ESYT1: variants seen among roughly 807,000 people sequenced by gnomAD.
The protein encoded by ESYT1 is extended synaptotagmin-1.
ESYT1 carries 116 observed loss-of-function variants against 154.2 expected under a neutral mutation model. The observed-to-expected ratio is 0.75, with a 90% CI of 0.65 to 0.88. The LOEUF (loss-of-function observed/expected upper bound fraction) is 0.88, where lower values mean the gene tolerates loss of function less well. Among genes scored for constraint, ESYT1 ranks in the 40% least tolerant of loss-of-function variants. The pLI is 0.00. For synonymous variants in ESYT1, 500 were observed against 539.9 expected (o/e 0.93, Z 1.02); for missense variants, 1,264 against 1,379.3 (o/e 0.92, Z 1.32).
rs372827802 is a variant in ESYT1 at position 56,128,404 on chromosome 12, G to T, written c.85G>T (p.Ala29Ser). The T allele has an allele frequency of 1.2e-6, 2 of 1,611,512 alleles. No homozygotes were observed. The highest frequency in any genetic ancestry group is 1.3e-5 in the African/African-American group (1 of 74,922). ...CTCCGACCCCACTGACCAGCCCCCC[G>T]CTGCTCACGCAAAGCCAGACCCAGG... is the stretch of plus-strand genomic sequence containing the variant. ...APSDPTDQPP[A>S]AHAKPDPGSG... is the part of the protein sequence containing the mutation. Residue 29 changes from alanine (A) to serine (S), a missense_variant, in exon 1 of 31, where the codon GCT becomes TCT. Coordinates refer to ENST00000394048, the MANE Select transcript of ESYT1 (RefSeq NM_015292.3).
chr12:56,138,948 C>T lies in ESYT1; in HGVS notation c.2527C>T (p.Pro843Ser), dbSNP rs553498889. The T allele has an allele frequency of 1.2e-6, 2 of 1,614,118 alleles. No individual in the cohort carries two copies. Among genetic ancestry groups the T allele is most frequent in the African/African-American group, 1.3e-5 (1 of 75,034 alleles). ...KTKTISQTSA[P>S]VWDESASFLI... ...CCAGACTATTTCGCAAACTTCAGCCCCTGTCTGGGATGAGAGTGCCTCCTT... is the reference window on the plus strand; with the variant it reads ...CCAGACTATTTCGCAAACTTCAGCCTCTGTCTGGGATGAGAGTGCCTCCTT... Residue 843 changes from proline to serine, a missense_variant, in exon 24 of 31, where the codon CCT becomes TCT. Physicochemically the swap from Pro to Ser is moderately conservative, Grantham distance 74. Coordinates refer to ENST00000394048, the MANE Select transcript of ESYT1 (RefSeq NM_015292.3).
intron 15 of ESYT1, among the ~76,000 whole-genome samples, chr12:56,136,144 G>A (rs1021941672): frequency 2.0e-5 from 3 of 151,748 alleles, no homozygotes; most frequent in African/African-American, 7.3e-5. Context: ...CATAGTATAG[G>A]ACTAAGGAGG....
Position 56,128,384 on chromosome 12 carries a change from A to T in ESYT1, c.65A>T (p.Asp22Val). ...ATGGACCAGCCCTCTGCTCCCTCCGACCCCACTGACCAGCCCCCCGCTGCT... is the reference window on the plus strand; with the variant it reads ...ATGGACCAGCCCTCTGCTCCCTCCGTCCCCACTGACCAGCCCCCCGCTGCT... ...SPMDQPSAPSDPTDQPPAAHA... is the reference protein window; with the variant it reads ...SPMDQPSAPSVPTDQPPAAHA... Residue 22 changes from aspartate to valine, a missense_variant, in exon 1 of 31, where the codon GAC (aspartate) becomes GTC (valine). By Grantham distance (152) the Asp-to-Val change is radical. Transcript: ENST00000394048. 1 of 1,611,842 alleles carries T rather than the reference A, an allele frequency of 6.2e-7. No individual in the cohort carries two copies. Among genetic ancestry groups the T allele is most frequent in the Non-Finnish European group, 8.5e-7 (1 of 1,179,048 alleles).
Position 56,142,314 on chromosome 12 carries a change from C to G in ESYT1, c.2622C>G (p.Gly874=). Residue 874 remains glycine (G), a synonymous_variant, in exon 25 of 31, where the codon GGC becomes GGG. Transcript: ENST00000394048. This position sits in a 1 kb window ranked among gnomAD's most constrained non-coding sequence, Gnocchi z 4.1. The part of the protein sequence containing the change: ...QVRGEGTGVL[G]SLSLPLSELL... ...GGGGTGAGGGCACTGGCGTGCTGGG[C>G]TCATTATCCCTGCCCCTCTCAGAGC... 1 of 1,614,148 alleles carries G rather than the reference C, an allele frequency of 6.2e-7. No homozygotes were observed. The highest frequency in any genetic ancestry group is 8.5e-7 in the Non-Finnish European group (1 of 1,180,026).
At position 56,144,522 on chromosome 12, in the gene ESYT1, A is replaced by T. The variant is rs114006098; in HGVS notation, c.*660A>T. ...GGAGCTCCTAGCTGGTGATACGGAG[A>T]GGGCTTTGGAGGACTTGGGACAGCA... On this transcript the variant is annotated 3_prime_UTR_variant, in exon 31 of 31. Transcript: ENST00000394048. 3.6e-4 allele frequency: 350 copies of T among 985,656 alleles called. 2 individuals carry two copies. The African/African-American group carries it at 5.7e-3, about 16-fold the overall frequency. 61.1% of individuals were successfully genotyped at this position (985,656 alleles called of 1,614,324 possible).
chr12:56,140,510 C>G (rs1437206735), intron 24 of ESYT1, among the ~76,000 whole-genome samples: 2 of 152,022 alleles, frequency 1.3e-5, no homozygotes, highest in African/African-American at 4.8e-5. Context: ...ATTATAGGTG[C>G]CCGCCACCAC....
chr12:56,131,854 G>A lies in ESYT1; in HGVS notation c.860+50G>A, dbSNP rs756543129. On this transcript the variant is annotated intron_variant, in intron 7 of 30. Transcript: ENST00000394048. ...GCTGAGTGTTCCAGCGCTGGGTTGGGGGTTTAAGGGACACAGAGCAGTCAA... is the reference window on the plus strand; with the variant it reads ...GCTGAGTGTTCCAGCGCTGGGTTGGAGGTTTAAGGGACACAGAGCAGTCAA... 10 of 1,579,574 alleles carry A rather than the reference G, an allele frequency of 6.3e-6. No homozygotes were observed. In the Admixed American group the frequency reaches 1.7e-4, roughly 26 times the overall value.
intron 10 of ESYT1, 151 bp from the exon 11 acceptor site, chr12:56,133,266 C>G: frequency 1.3e-6 from 1 of 767,358 alleles, no homozygotes; most frequent in South Asian, 1.6e-5. Context: ...CACATACTCA[C>G]GCATGCAGGT....
rs1870106419 is a variant in ESYT1 at position 56,128,712 on chromosome 12, G to C, written c.390+3G>C. 1.2e-6 allele frequency: 2 copies of C among 1,613,006 alleles called. No homozygotes were observed. The highest frequency in any genetic ancestry group is 1.7e-6 in the Non-Finnish European group (2 of 1,180,030). ...GTCATCGAGAGCTACCTGCCTGGGT[G>C]AGCGACCACCCTCGGTCCTCTGTGC... is the stretch of plus-strand genomic sequence containing the variant. On this transcript the variant is annotated splice_donor_region_variant and intron_variant, in intron 1 of 30. Coordinates refer to ENST00000394048, the MANE Select transcript of ESYT1 (RefSeq NM_015292.3).
In ESYT1 at chr12:56,144,012, G is replaced by A; in HGVS notation, c.*150G>A. 1 of 1,518,688 alleles carries A rather than the reference G, an allele frequency of 6.6e-7. No individual in the cohort carries two copies. The highest frequency in any genetic ancestry group is 8.8e-7 in the Non-Finnish European group (1 of 1,139,728). The allele number at this position is 1,518,688 out of a possible 1,614,324, so 94.1% of individuals were successfully genotyped here. A position where few individuals can be genotyped will look rare whatever the true frequency, so the allele number is the denominator to read the frequency against. ...CTAACAGGCCCATATTCGGGCCTTT[G>A]CCTGACCAAAGAGAAGAACCGTATG... On this transcript the variant is annotated 3_prime_UTR_variant, in exon 31 of 31. Transcript: ENST00000394048.
In ESYT1 at chr12:56,131,568, T is replaced by G. The variant is rs1451238015; in HGVS notation, c.804+2T>G. The stretch of plus-strand genomic sequence containing the variant: ...TCAATGTTCTTCATCCGACGCCCGG[T>G]AAGGGAAAACAATGAAGGGGTATGG... On this transcript the variant is annotated splice_donor_variant, in intron 6 of 30. Transcript: ENST00000394048. LOFTEE classifies it high-confidence loss of function. The G allele has an allele frequency of 6.2e-7, 1 of 1,613,526 alleles. No individual in the cohort carries two copies. The highest frequency in any genetic ancestry group is 8.5e-7 in the Non-Finnish European group (1 of 1,179,924).
chr12:56,132,736 C>T lies in ESYT1; in HGVS notation c.1179C>T (p.Val393=). The T allele has an allele frequency of 6.2e-7, 1 of 1,614,074 alleles. No homozygotes were observed. The highest frequency in any genetic ancestry group is 8.5e-7 in the Non-Finnish European group (1 of 1,179,998). ...GETYEVMVHE[V]PGQEIEVEVF... ...TTCCCCAGGTGATGGTACACGAGGT[C>T]CCAGGGCAGGAGATTGAAGTGGAGG... The change falls in exon 10 of 31, where the codon GTC becomes GTT. Residue 393 remains valine, a synonymous_variant. Transcript: ENST00000394048.
chr12:56,130,367 G>A (rs886763523), intron 1 of ESYT1: 3 of 622,676 alleles, frequency 4.8e-6, no homozygotes, highest in African/African-American at 1.8e-5. Context: ...GGGCAACAGC[G>A]TGACCTCTAC....
intron 7 of ESYT1, 72 bp downstream of exon 7, chr12:56,131,876 T>A: frequency 6.9e-7 from 1 of 1,456,290 alleles, no homozygotes; most frequent in Non-Finnish European, 9.6e-7. Context: ...CACAGAGCAG[T>A]CAAAGATGCT....
chr12:56,134,040 C>G, intron 13 of ESYT1, 70 bp from the exon 14 acceptor site: 1 of 1,589,278 alleles, frequency 6.3e-7, no homozygotes, highest in East Asian at 2.3e-5. Flanking sequence ...CTGATGCGAT[C>G]CCACCTTCCT....
chr12:56,137,437 A>T, intron 17 of ESYT1, 62 bp from the exon 18 acceptor site: 1 of 1,610,870 alleles, frequency 6.2e-7, no homozygotes. Flanking sequence ...AGCCTGTTTC[A>T]GGGCAGATTC....
chr12:56,137,080 G>A, intron 16 of ESYT1, 138 bp from the exon 17 acceptor site: 2 of 1,320,254 alleles, frequency 1.5e-6, no homozygotes, highest in East Asian at 2.3e-5. Flanking sequence ...GGGTGTGGAG[G>A]GAACCCTGTA....
chr12:56,130,985 G>A (rs1347426813), intron 3 of ESYT1, 55 bp from the exon 4 acceptor site: 1 of 1,614,128 alleles, frequency 6.2e-7, no homozygotes, highest in Admixed American at 1.7e-5. Context: ...GCCCGGAGTA[G>A]ACTCAGGTAC....
chr12:56,137,104 C>T (rs1870489152), intron 16 of ESYT1, 114 bp from the exon 17 acceptor site: 2 of 1,404,924 alleles, frequency 1.4e-6, no homozygotes, highest in Non-Finnish European at 2.0e-6. Context: ...ATGAGCCCAG[C>T]CAGGGCAGCA....
Sources: allele counts gnomAD v4.1 joint callset (sites outside exome capture counted in the v4.1 genomes callset), GRCh38; gene constraint gnomAD v4.1.1; non-coding constraint Gnocchi (gnomAD v3.1); transcripts MANE v1.5; gene names NCBI Gene and HGNC (gene_info 2026-07-23, HGNC 2026-07-21).